Variants in CMKLR1 observed in about 807,000 individuals in gnomAD.
CMKLR1 encodes chemerin chemokine-like receptor 1.
In CMKLR1, 6 loss-of-function variants were observed where a neutral mutation model predicts 8.2. The ratio of observed to expected loss-of-function variants is 0.73; its 90% CI spans 0.40 to 1.44. The LOEUF is 1.44. Ranked by LOEUF, CMKLR1 falls within the 40% of genes most tolerant of loss-of-function variation. CMKLR1 has a pLI of 0.02. For missense variants in CMKLR1, 429 were observed against 478.0 expected (o/e 0.90, Z 0.96); for synonymous variants, 178 against 181.2 (o/e 0.98, Z 0.14).
At chr12:108,294,449 TG>T (rs570753255) in intron 2 of CMKLR1, among the ~76,000 whole-genome samples, 24 of 152,218 alleles carry the variant, frequency 1.6e-4, no homozygotes, top group Admixed American at 7.2e-4. Context: ...TGCAAGATCT[TG>T]GAGGCAGTGA....
chr12:108,324,893 C>T (rs571471414), intron 2 of CMKLR1, among the ~76,000 whole-genome samples: 6 of 152,158 alleles, frequency 3.9e-5, no homozygotes, highest in African/African-American at 1.4e-4. Context: ...CAGCCAGGTC[C>T]CAGAGGGAAG....
intron 2 of CMKLR1, among the ~76,000 whole-genome samples, chr12:108,307,342 C>T (rs1226941393): frequency 6.6e-6 from 1 of 151,648 alleles, no homozygotes; most frequent in African/African-American, 2.4e-5. Flanking sequence ...TGGGAGGCAG[C>T]GGAGGCCCCA....
At chr12:108,332,769 GTAAGAGAACCCTC>G (rs1892138647) in intron 1 of CMKLR1, among the ~76,000 whole-genome samples, 2 of 151,950 alleles carry the variant, frequency 1.3e-5, no homozygotes, top group Admixed American at 1.3e-4. Context: ...AGAGTGAACC[GTAAGAGAACCCTC>G]TAAGAGAACC....
intron 2 of CMKLR1, among the ~76,000 whole-genome samples, chr12:108,329,050 AC>A (rs1593179355): frequency 6.6e-6 from 1 of 152,180 alleles, no homozygotes; most frequent in East Asian, 1.9e-4. Context: ...TGGGCCAGAC[AC>A]CCCATGAGAT....
At chr12:108,299,352 T>A (rs1332672328) in intron 2 of CMKLR1, among the ~76,000 whole-genome samples, 1 of 152,146 alleles carries the variant, frequency 6.6e-6, no homozygotes, top group Non-Finnish European at 1.5e-5. Flanking sequence ...AAAATCAAAA[T>A]CACTTTTTTT....
At chr12:108,311,248 T>C (rs1296613164) in intron 2 of CMKLR1, among the ~76,000 whole-genome samples, 1 of 152,058 alleles carries the variant, frequency 6.6e-6, no homozygotes, top group Non-Finnish European at 1.5e-5. Context: ...CCAAAACCAT[T>C]CCTACTATGT....
chr12:108,309,297 C>T (rs552523317), intron 2 of CMKLR1, among the ~76,000 whole-genome samples: 18 of 152,204 alleles, frequency 1.2e-4, no homozygotes, highest in Non-Finnish European at 2.1e-4. Flanking sequence ...CTTCTTGGAA[C>T]GCTCTCCCTA....
chr12:108,291,535 C>T lies in CMKLR1; in HGVS notation c.*306G>A. ...ACAATAGGCAGCTTAATCCCACCGC[C>T]CTATGCCAATCCCAGTTCATGGCAA... On this transcript the variant is annotated 3_prime_UTR_variant, in exon 4 of 4. Coordinates refer to ENST00000550402, the MANE Select transcript of CMKLR1 (RefSeq NM_001142343.2). The T allele has an allele frequency of 2.8e-6, 1 of 355,810 alleles. No individual in the cohort carries two copies. Among genetic ancestry groups the T allele is most frequent in the Non-Finnish European group, 5.2e-6 (1 of 193,196 alleles). 22.0% of individuals were successfully genotyped at this position (355,810 alleles called of 1,614,324 possible).
chr12:108,333,430 G>A (rs1306472459), intron 1 of CMKLR1, among the ~76,000 whole-genome samples: 1 of 152,112 alleles, frequency 6.6e-6, no homozygotes, highest in East Asian at 1.9e-4. Context: ...TAGCCCAAAT[G>A]ACATTTTCCA....
chr12:108,307,547 C>T (rs1291286749), intron 2 of CMKLR1, among the ~76,000 whole-genome samples: 1 of 152,250 alleles, frequency 6.6e-6, no homozygotes, highest in Non-Finnish European at 1.5e-5. Context: ...AGAACCCAGA[C>T]TCATCCGCTC....
intron 2 of CMKLR1, among the ~76,000 whole-genome samples, chr12:108,316,180 T>G (rs921382327): frequency 6.6e-6 from 1 of 152,180 alleles, no homozygotes; most frequent in Non-Finnish European, 1.5e-5. Flanking sequence ...AGCACAGGCC[T>G]TCTGAGCCCT....
intron 2 of CMKLR1, among the ~76,000 whole-genome samples, chr12:108,324,698 T>C (rs17322313): frequency 0.26 from 39,413 of 152,090 alleles, 5,429 homozygotes; most frequent in Middle Eastern, 0.34. Context: ...AAACACATGG[T>C]CTTGAAATAA....
At chr12:108,329,266 A>T (rs1320868240) in intron 2 of CMKLR1, among the ~76,000 whole-genome samples, 2 of 152,146 alleles carry the variant, frequency 1.3e-5, no homozygotes, top group Non-Finnish European at 2.9e-5. Flanking sequence ...CCTGAGGAGC[A>T]TTCCGACCTC....
chr12:108,296,486 T>C (rs1891139092), intron 2 of CMKLR1, among the ~76,000 whole-genome samples: 1 of 152,160 alleles, frequency 6.6e-6, no homozygotes, highest in African/African-American at 2.4e-5. Context: ...ACCAGTGAGT[T>C]CCTGGCCACT....
At chr12:108,300,302 T>C (rs1754774544) in intron 2 of CMKLR1, among the ~76,000 whole-genome samples, 1 of 152,168 alleles carries the variant, frequency 6.6e-6, no homozygotes, top group African/African-American at 2.4e-5. Flanking sequence ...AGAAATCACA[T>C]TGGGGTCACT....
intron 2 of CMKLR1, among the ~76,000 whole-genome samples, chr12:108,314,423 G>A (rs1451726951): frequency 2.0e-5 from 3 of 152,210 alleles, no homozygotes; most frequent in Non-Finnish European, 4.4e-5. Context: ...AGCCTGTGGA[G>A]AGAAGACATG....
intron 2 of CMKLR1, among the ~76,000 whole-genome samples, chr12:108,298,891 C>G (rs149913242): frequency 0.016 from 2,410 of 152,332 alleles, 61 homozygotes; most frequent in African/African-American, 0.052. Context: ...CTGGTCCATT[C>G]CCTGGGACGG....
Position 108,292,849 on chromosome 12 carries a change from C to T in CMKLR1, c.114G>A (p.Val38=), listed in dbSNP as rs531338899. ...LEDLSPLEAR[V]TRIFLVVVYS... is the part of the protein sequence containing the mutation. ...AGACCACCACCAGGAAGATCCTGGT[C>T]ACCCTGGCTTCCAAGGGGGATAAGT... is the stretch of plus-strand genomic sequence containing the variant. The change falls in exon 4 of 4, where the codon GTG becomes GTA. Residue 38 remains valine (V), a synonymous_variant. Transcript: ENST00000550402. 1.8e-5 allele frequency: 29 copies of T among 1,614,008 alleles called. No homozygotes were observed. The highest frequency in any genetic ancestry group is 1.5e-5 in the Non-Finnish European group (18 of 1,180,026).
At chr12:108,293,794 T>C in intron 2 of CMKLR1, 130 bp from the exon 3 acceptor site, 1 of 612,864 alleles carries the variant, frequency 1.6e-6, no homozygotes. Flanking sequence ...AAGCAGAAGT[T>C]CAGAAAGGCT....
Sources: gnomAD v4.1 joint callset for allele counts (sites outside exome capture counted in the v4.1 genomes callset) on GRCh38, gnomAD v4.1.1 for gene constraint, MANE v1.5 for transcripts, NCBI Gene and HGNC (gene_info 2026-07-23, HGNC 2026-07-21) for gene names.